TAF2: variants seen among roughly 807,000 people sequenced by gnomAD.
TAF2 encodes the protein TATA-box binding protein associated factor 2.
A neutral mutation model predicts 138.5 loss-of-function variants in TAF2; 61 were observed. That is an observed-to-expected ratio of 0.44 (90% CI 0.36 to 0.54). The LOEUF (loss-of-function observed/expected upper bound fraction) is 0.54. TAF2 is among the 20% of genes least tolerant of loss of function. The pLI is 0.00. For synonymous variants in TAF2, 475 were observed against 469.9 expected, an observed-to-expected ratio of 1.01 and a Z score of -0.14; for missense variants, 1,090 against 1,427.9, an observed-to-expected ratio of 0.76 and a Z score of 3.81.
chr8:119,746,987 T>C, intron 22 of TAF2, 53 bp from the exon 23 acceptor site: 12 of 1,564,406 alleles, frequency 7.7e-6, no homozygotes, highest in Non-Finnish European at 1.1e-5. Flanking sequence ...ATTCATACAT[T>C]TTAACTGTCC....
chr8:119,807,733 G>A (rs890621367), intron 3 of TAF2, among the ~76,000 whole-genome samples: 1 of 152,168 alleles, frequency 6.6e-6, no homozygotes, highest in African/African-American at 2.4e-5. Flanking sequence ...AGTCCAGCCT[G>A]GCCAATATGG....
At position 119,789,616 on chromosome 8, in the gene TAF2, A is replaced by G; in HGVS notation, c.1544T>C (p.Ile515Thr). The stretch of plus-strand genomic sequence containing the variant: ...CACCCACTGCTTTATTAACGGCTGA[A>G]TATCTTTGCCAGAGACATTTGAAAT... ...KSISNVSGKD[I>T]QPLIKQWVDQ... is the part of the protein sequence containing the mutation. The change falls in exon 12 of 26, where the codon ATT becomes ACT. Residue 515 changes from isoleucine (I) to threonine (T), a missense_variant. Ile to Thr is a moderately conservative substitution (Grantham distance 89). Transcript: ENST00000378164. The G allele has an allele frequency of 3.1e-6, 5 of 1,613,792 alleles. No homozygotes were observed. The highest frequency in any genetic ancestry group is 4.2e-6 in the Non-Finnish European group (5 of 1,179,912).
chr8:119,737,179 T>C (rs1187701839), intron 25 of TAF2, among the ~76,000 whole-genome samples: 1 of 152,160 alleles, frequency 6.6e-6, no homozygotes, highest in Non-Finnish European at 1.5e-5. Context: ...TAAAAATAAA[T>C]AACGGCATTT....
At chr8:119,811,603 G>C (rs1167908030) in intron 3 of TAF2, among the ~76,000 whole-genome samples, 1 of 151,632 alleles carries the variant, frequency 6.6e-6, no homozygotes, top group Non-Finnish European at 1.5e-5. Context: ...TCAGGAGATC[G>C]AGACCATCCT....
Position 119,756,168 on chromosome 8 carries a change from A to G in TAF2, c.2769-53T>C, listed in dbSNP as rs540264611. On this transcript the variant is annotated intron_variant, in intron 21 of 25. Coordinates refer to ENST00000378164, the MANE Select transcript of TAF2 (RefSeq NM_003184.4). ...TGCTGACCTTTTACTGACAGATGCT[A>G]TGAGTAGGAGACAACATAAACACTG... 4.7e-6 allele frequency: 6 copies of G among 1,270,144 alleles called. No individual in the cohort carries two copies. In the South Asian group the frequency reaches 6.0e-5, roughly 13 times the overall value. 78.7% of individuals were successfully genotyped at this position (1,270,144 alleles called of 1,614,324 possible).
At chr8:119,751,669 A>AAC (rs1229363663) in intron 22 of TAF2, among the ~76,000 whole-genome samples, 2 of 152,234 alleles carry the variant, frequency 1.3e-5, no homozygotes, top group Non-Finnish European at 2.9e-5. Flanking sequence ...ATAGCATAGT[A>AAC]ACAAACAGAA....
chr8:119,832,802 C>G lies in TAF2; in HGVS notation c.-238G>C, dbSNP rs750190098. On this transcript the variant is annotated 5_prime_UTR_variant, in exon 1 of 26. Coordinates refer to ENST00000378164, the MANE Select transcript of TAF2 (RefSeq NM_003184.4). ...ACAGAGATGCTCCTCTCCGCAAGGG[C>G]TCGAAGCTACCATCCGCCGACATCT... 4 of 473,522 alleles carry G rather than the reference C, an allele frequency of 8.4e-6. No individual in the cohort carries two copies. Among genetic ancestry groups the G allele is most frequent in the Non-Finnish European group, 1.5e-5 (4 of 266,230 alleles). The allele number at this position is 473,522 out of a possible 1,614,324, so 29.3% of individuals were successfully genotyped here.
intron 2 of TAF2, among the ~76,000 whole-genome samples, chr8:119,823,155 T>C (rs1384533105): frequency 6.6e-6 from 1 of 152,218 alleles, no homozygotes; most frequent in Non-Finnish European, 1.5e-5. Flanking sequence ...TGCCTTTAGA[T>C]CTATGCTATC....
At chr8:119,781,279 C>T in intron 16 of TAF2, 86 bp from the exon 17 acceptor site, 2 of 1,459,856 alleles carry the variant, frequency 1.4e-6, no homozygotes, top group South Asian at 1.2e-5. Context: ...GTTATCAATA[C>T]TACAACTGGA....
At chr8:119,744,716 T>G (rs1586298220) in intron 23 of TAF2, 1 of 393,732 alleles carries the variant, frequency 2.5e-6, no homozygotes, top group Middle Eastern at 8.3e-4. Context: ...TGTGATAATA[T>G]AAGTTAAATA....
chr8:119,760,930 G>A (rs759139057), intron 19 of TAF2, among the ~76,000 whole-genome samples, 192 bp from the exon 20 acceptor site: 4 of 152,086 alleles, frequency 2.6e-5, no homozygotes, highest in Non-Finnish European at 4.4e-5. Context: ...CATATACAAT[G>A]GTGGTCCAGT....
intron 23 of TAF2, among the ~76,000 whole-genome samples, chr8:119,746,350 G>A (rs986780446): frequency 4.0e-5 from 5 of 125,032 alleles, no homozygotes; most frequent in African/African-American, 5.8e-5. Context: ...TCCAGCCTGG[G>A]GAACAAGAGT....
Position 119,802,353 on chromosome 8 carries a change from T to C in TAF2, c.561-328A>G, listed in dbSNP as rs16893181. ...TTAGTCAGTTTTTATGCAGCATTCA[T>C]TTCTAGAAACTAAAAAAGGCTCACA... On this transcript the variant is annotated intron_variant, in intron 5 of 25. Coordinates refer to ENST00000378164, the MANE Select transcript of TAF2 (RefSeq NM_003184.4). Among the ~76,000 whole-genome samples the C allele has an allele frequency of 9.6e-3, 1,458 of 152,336 alleles. 17 individuals carry two copies. Among genetic ancestry groups the C allele is most frequent in the African/African-American group, 0.034 (1,406 of 41,570 alleles).
At chr8:119,784,041 C>G (rs545647207) in intron 15 of TAF2, among the ~76,000 whole-genome samples, 3 of 152,142 alleles carry the variant, frequency 2.0e-5, no homozygotes, top group African/African-American at 4.8e-5. Flanking sequence ...ACTAGACTCA[C>G]GATCGCCTTT....
At chr8:119,775,080 A>G (rs1822127402) in intron 18 of TAF2, among the ~76,000 whole-genome samples, 1 of 152,080 alleles carries the variant, frequency 6.6e-6, no homozygotes, top group Admixed American at 6.5e-5. Flanking sequence ...AGAGAACGAG[A>G]CCATCCTGCC....
At chr8:119,753,695 C>A (rs368681698) in intron 22 of TAF2, among the ~76,000 whole-genome samples, 1 of 152,150 alleles carries the variant, frequency 6.6e-6, no homozygotes, top group Non-Finnish European at 1.5e-5. Context: ...TTCCAATGAG[C>A]TTCAAATGTT....
rs114673634 is a variant in TAF2 at position 119,734,964 on chromosome 8, C to T, written c.3338-2778G>A. Among the ~76,000 whole-genome samples the T allele has an allele frequency of 9.3e-3, 1,411 of 152,232 alleles. 20 individuals carry two copies. The highest frequency in any genetic ancestry group is 0.032 in the African/African-American group (1,331 of 41,530). On this transcript the variant is annotated intron_variant, in intron 25 of 25. Coordinates refer to ENST00000378164, the MANE Select transcript of TAF2 (RefSeq NM_003184.4). Reference sequence around the variant, plus strand: ...AACCTAATTCAAATGTTTCTTTGGACGGTTTTCTTCAAATTTCCCAAAGGA... The same window carrying T: ...AACCTAATTCAAATGTTTCTTTGGATGGTTTTCTTCAAATTTCCCAAAGGA...
intron 14 of TAF2, among the ~76,000 whole-genome samples, chr8:119,785,980 G>A (rs554906519): frequency 1.3e-5 from 2 of 152,264 alleles, no homozygotes; most frequent in African/African-American, 2.4e-5. Flanking sequence ...CATTTTCTCA[G>A]AGTAAGAATG....
chr8:119,803,394 G>GT (rs1426130019), intron 5 of TAF2, among the ~76,000 whole-genome samples: 1 of 152,088 alleles, frequency 6.6e-6, no homozygotes, highest in African/African-American at 2.4e-5. Flanking sequence ...GAAGGGAGAT[G>GT]TAAGATTGAG....
Sources: allele counts gnomAD v4.1 joint callset (sites outside exome capture counted in the v4.1 genomes callset), GRCh38; gene constraint gnomAD v4.1.1; transcripts MANE v1.5; gene names NCBI Gene and HGNC (gene_info 2026-07-23, HGNC 2026-07-21).